The following PDE1B variants were observed in gnomAD, a reference collection of about 807,000 sequenced individuals.
PDE1B encodes the protein dual specificity calcium/calmodulin-dependent 3',5'-cyclic nucleotide phosphodiesterase 1B.
A neutral mutation model predicts 66.7 loss-of-function variants in PDE1B; 13 were observed. That is an observed-to-expected ratio of 0.19 (90% CI 0.13 to 0.31). PDE1B has a LOEUF of 0.31. Ranked by LOEUF, PDE1B falls within the 10% of genes least tolerant of loss-of-function variation. PDE1B has a pLI of 1.00. For synonymous variants in PDE1B, 230 were observed against 253.9 expected, an observed-to-expected ratio of 0.91 and a Z score of 0.90; for missense variants, 485 against 682.3, an observed-to-expected ratio of 0.71 and a Z score of 3.22.
chr12:54,559,916 A>G (rs1246311455), intron 2 of PDE1B, among the ~76,000 whole-genome samples: 1 of 152,154 alleles, frequency 6.6e-6, no homozygotes, highest in Non-Finnish European at 1.5e-5. Flanking sequence ...TGTCCACAGA[A>G]CATGCCAAAT....
rs760965016 is a variant in PDE1B, at chr12:54,573,755, T to A, written c.1064+46T>A. Reference sequence around the variant, plus strand: ...GCTGGGGCCAGGCCAGAGGGAGGGGTGTGTGAACTGGGGGGGTATACACAA... The same window carrying A: ...GCTGGGGCCAGGCCAGAGGGAGGGGAGTGTGAACTGGGGGGGTATACACAA... On this transcript the variant is annotated intron_variant, in intron 10 of 15. Coordinates refer to ENST00000243052, the MANE Select transcript of PDE1B (RefSeq NM_000924.4). This position sits in a 1 kb window ranked among gnomAD's most constrained non-coding sequence, Gnocchi z 5.2. 63 of 1,375,840 alleles carry A rather than the reference T, an allele frequency of 4.6e-5. No individual in the cohort carries two copies. Among genetic ancestry groups the A allele is most frequent in the South Asian group, 4.3e-4 (37 of 86,440 alleles). 85.2% of individuals were successfully genotyped at this position (1,375,840 alleles called of 1,614,324 possible). A position where few individuals can be genotyped will look rare whatever the true frequency, so the allele number is the denominator to read the frequency against.
intron 2 of PDE1B, among the ~76,000 whole-genome samples, chr12:54,555,744 T>A (rs945405854): frequency 2.0e-5 from 3 of 152,174 alleles, no homozygotes; most frequent in African/African-American, 7.2e-5. Context: ...CATTTTCTCT[T>A]CTTTGATTCT....
At chr12:54,572,338 C>T in intron 6 of PDE1B, 1 of 523,228 alleles carries the variant, frequency 1.9e-6, no homozygotes, top group Non-Finnish European at 3.5e-6. Context: ...ATGCCTTGTA[C>T]TTATCTCATT....
chr12:54,564,549 G>A (rs1370711596), intron 2 of PDE1B, among the ~76,000 whole-genome samples: 3 of 152,136 alleles, frequency 2.0e-5, no homozygotes, highest in Non-Finnish European at 1.5e-5. Context: ...CAGGAGGACT[G>A]ATTAAGCCCA....
At chr12:54,566,007 C>A (rs77853940) in intron 2 of PDE1B, among the ~76,000 whole-genome samples, 9,796 of 152,174 alleles carry the variant, frequency 0.064, 540 homozygotes, top group African/African-American at 0.14. Context: ...GTGGGTGGGG[C>A]AGGGTGAGGG....
intron 2 of PDE1B, chr12:54,561,713 TAGTGA>T (rs1957417007): frequency 5.5e-6 from 6 of 1,100,832 alleles, no homozygotes; most frequent in Non-Finnish European, 7.9e-6. Context: ...AGTTGTAGTT[TAGTGA>T]AGTGGAGAGA....
In PDE1B at chr12:54,569,633, A is replaced by G; in HGVS notation, c.477+21A>G. The G allele has an allele frequency of 6.4e-7, 1 of 1,563,238 alleles. No individual in the cohort carries two copies. Among genetic ancestry groups the G allele is most frequent in the South Asian group, 1.1e-5 (1 of 90,046 alleles). ...TCAAGGTAATCTCTGGGTTTTTGGG[A>G]AAGAGGAGAAAGTTAGGGGATGGAA... On this transcript the variant is annotated intron_variant, in intron 5 of 15. Coordinates refer to ENST00000243052, the MANE Select transcript of PDE1B (RefSeq NM_000924.4). The surrounding 1 kb of genome is among the most constrained non-coding windows in gnomAD (Gnocchi z 4.4).
intron 3 of PDE1B, among the ~76,000 whole-genome samples, chr12:54,568,481 C>CACAT (rs1957556349): frequency 7.1e-6 from 1 of 141,638 alleles, no homozygotes; most frequent in East Asian, 2.0e-4. Context: ...CACACACACA[C>CACAT]ACACACACAC....
intron 3 of PDE1B, among the ~76,000 whole-genome samples, chr12:54,568,804 A>T (rs1957565376): frequency 6.6e-6 from 1 of 152,202 alleles, no homozygotes; most frequent in Non-Finnish European, 1.5e-5. Flanking sequence ...TCAAAAAAAA[A>T]ATTATCATTA....
intron 2 of PDE1B, among the ~76,000 whole-genome samples, chr12:54,550,479 T>C (rs555296950): frequency 6.6e-6 from 1 of 152,294 alleles, no homozygotes; most frequent in Admixed American, 6.5e-5. Context: ...TGTATCTCAG[T>C]TGGGATTGGT....
In PDE1B at chr12:54,575,849, T is replaced by C; in HGVS notation, c.1268-143T>C. 1 of 760,684 alleles carries C rather than the reference T, an allele frequency of 1.3e-6. No homozygotes were observed. Among genetic ancestry groups the C allele is most frequent in the Non-Finnish European group, 2.3e-6 (1 of 433,814 alleles). 47.1% of individuals were successfully genotyped at this position (760,684 alleles called of 1,614,324 possible). On this transcript the variant is annotated intron_variant, in intron 12 of 15. Coordinates refer to ENST00000243052, the MANE Select transcript of PDE1B (RefSeq NM_000924.4). This position sits in a 1 kb window ranked among gnomAD's most constrained non-coding sequence, Gnocchi z 4.0. ...CAAGACATCATCCCAAAGCCTGCCC[T>C]GCATTGGGAAGTTTTCAGCCCCAGG...
At chr12:54,561,025 C>T (rs1047529128) in intron 2 of PDE1B, among the ~76,000 whole-genome samples, 4 of 152,106 alleles carry the variant, frequency 2.6e-5, no homozygotes, top group African/African-American at 9.7e-5. Context: ...GGAAGTTCAT[C>T]CCCCTGTCTT....
chr12:54,554,848 G>C (rs1957323957), intron 2 of PDE1B, among the ~76,000 whole-genome samples: 1 of 152,214 alleles, frequency 6.6e-6, no homozygotes, highest in South Asian at 2.1e-4. Context: ...ACTTTGAAAT[G>C]ATAAAGCCTG....
At chr12:54,555,900 T>A (rs1437926559) in intron 2 of PDE1B, among the ~76,000 whole-genome samples, 2 of 152,158 alleles carry the variant, frequency 1.3e-5, no homozygotes, top group African/African-American at 4.8e-5. Context: ...TTCTCCTCCC[T>A]CATCTTGGCT....
rs1226762220 is a variant in PDE1B at position 54,549,842 on chromosome 12, C to T, written c.-13-18C>T. 2 of 1,552,000 alleles carry T rather than the reference C, an allele frequency of 1.3e-6. No homozygotes were observed. Among genetic ancestry groups the T allele is most frequent in the South Asian group, 1.1e-5 (1 of 89,404 alleles). On this transcript the variant is annotated intron_variant, in intron 1 of 15. Coordinates refer to ENST00000243052, the MANE Select transcript of PDE1B (RefSeq NM_000924.4). ...CTGAAGCTGAGCCGAGGTGCTGTCTCCTCCTTCTGTTCCGTAGACCGTGGC... is the reference window on the plus strand; with the variant it reads ...CTGAAGCTGAGCCGAGGTGCTGTCTTCTCCTTCTGTTCCGTAGACCGTGGC...
chr12:54,558,240 A>G (rs1237170394), intron 2 of PDE1B, among the ~76,000 whole-genome samples: 1 of 151,172 alleles, frequency 6.6e-6, no homozygotes, highest in Non-Finnish European at 1.5e-5. Context: ...TGCCCCCTTA[A>G]TACCTCCTAC....
chr12:54,556,979 C>T (rs1358557651), intron 2 of PDE1B, among the ~76,000 whole-genome samples: 3 of 152,088 alleles, frequency 2.0e-5, no homozygotes, highest in East Asian at 3.9e-4. Context: ...TATTTGTTGG[C>T]TTCCCTGCTC....
At chr12:54,574,231 TGA>T (rs753282625) in intron 10 of PDE1B, 3 of 168,638 alleles carry the variant, frequency 1.8e-5, no homozygotes, top group East Asian at 3.2e-4. Context: ...TAAATGTGTG[TGA>T]GAGTGGACTG....
chr12:54,566,633 TC>T (rs1349144962), intron 2 of PDE1B, among the ~76,000 whole-genome samples: 3 of 152,112 alleles, frequency 2.0e-5, no homozygotes, highest in African/African-American at 7.2e-5. Flanking sequence ...AAAACATCAC[TC>T]CAGGGGCTTG....
Sources: allele counts gnomAD v4.1 joint callset (sites outside exome capture counted in the v4.1 genomes callset), GRCh38; gene constraint gnomAD v4.1.1; non-coding constraint Gnocchi (gnomAD v3.1); transcripts MANE v1.5; gene names NCBI Gene and HGNC (gene_info 2026-07-23, HGNC 2026-07-21).